Variants in PLEC observed in about 807,000 individuals in gnomAD.
PLEC encodes the protein plectin, also known as hemidesmosomal protein 1.
PLEC carries 216 observed loss-of-function variants against 392.8 expected under a neutral mutation model. That is an observed-to-expected ratio of 0.55 (90% CI 0.49 to 0.62). PLEC has a LOEUF of 0.62. PLEC is among the 20% of genes least tolerant of loss of function. The pLI is 0.00. For missense variants in PLEC, 6,863 were observed against 6,563.4 expected, an observed-to-expected ratio of 1.05 and a Z score of -1.58; for synonymous variants, 3,621 against 2,980.6, an observed-to-expected ratio of 1.21 and a Z score of -7.00.
exon 1 of PLEC, chr8:143,950,314 C>T (rs782494040): frequency 6.4e-5 from 101 of 1,572,354 alleles, no homozygotes; most frequent in Non-Finnish European, 7.9e-5. Context: ...CCGTCGGCAG[C>T]GGCCCCCGCT....
chr8:143,948,310 G>A (rs950882675), intron 1 of PLEC, among the ~76,000 whole-genome samples: 25 of 152,364 alleles, frequency 1.6e-4, no homozygotes, highest in African/African-American at 5.5e-4. Flanking sequence ...GCCAACCCAC[G>A]GAGCGGCTGT....
rs1554706761 is a variant in PLEC, at chr8:143,927,158, G to A, written c.3841-77C>T. On this transcript the variant is annotated intron_variant, in intron 28 of 31. Coordinates refer to ENST00000345136, the MANE Select transcript of PLEC (RefSeq NM_201384.3). ...GCCCAGCCCCTAAACCCTCACATGG[G>A]CTTTCCCTGGCATGGCCCAGGCTCA... The A allele has an allele frequency of 3.2e-6, 5 of 1,562,294 alleles. No individual in the cohort carries two copies. In the East Asian group the frequency reaches 1.1e-4, roughly 35 times the overall value.
At chr8:143,963,416 C>T (rs528866242) in intron 1 of PLEC, among the ~76,000 whole-genome samples, 5 of 152,236 alleles carry the variant, frequency 3.3e-5, no homozygotes, top group East Asian at 3.8e-4. Flanking sequence ...TGAAACCCCA[C>T]GGAATTTGCC....
upstream of PLEC, chr8:143,943,721 G>A: frequency 6.6e-7 from 1 of 1,504,718 alleles, no homozygotes; most frequent in Non-Finnish European, 9.1e-7. Context: ...GAAGGGGCGG[G>A]AGGCAGGCGG....
chr8:143,933,942 C>CGGGGCA, intron 12 of PLEC, 56 bp downstream of exon 12: 1 of 1,468,238 alleles, frequency 6.8e-7, no homozygotes, highest in Non-Finnish European at 9.3e-7. Flanking sequence ...GGCTGCAGGG[C>CGGGGCA]GGGGCAGGCT....
chr8:143,937,238 C>T lies in PLEC; in HGVS notation c.269G>A (p.Arg90Gln), dbSNP rs782376931. 2.0e-5 allele frequency: 33 copies of T among 1,612,046 alleles called. No homozygotes were observed. Among genetic ancestry groups the T allele is most frequent in the East Asian group, 8.9e-5 (4 of 44,880 alleles). Residue 90 changes from arginine (R) to glutamine (Q), a missense_variant, in exon 4 of 32, where the codon CGG becomes CAG. By Grantham distance (43) the Arg-to-Gln change is conservative. Coordinates refer to ENST00000345136, the MANE Select transcript of PLEC (RefSeq NM_201384.3). ...LEVLSGDSLP[R>Q]EKGRMRFHKL... ...GTGGAAACGCATCCTCCCCTTCTCCCGGGGCTGTGGGGAGGCACAGTCAGC... is the reference window on the plus strand; with the variant it reads ...GTGGAAACGCATCCTCCCCTTCTCCTGGGGCTGTGGGGAGGCACAGTCAGC...
upstream of PLEC, chr8:143,953,856 G>A: frequency 6.3e-7 from 1 of 1,576,522 alleles, no homozygotes; most frequent in South Asian, 1.1e-5. Context: ...CGCCGCAGCC[G>A]GGGGAGGAGC....
chr8:143,950,865 G>A, exon 1 of PLEC: 2 of 1,413,832 alleles, frequency 1.4e-6, no homozygotes, highest in East Asian at 2.5e-5. Context: ...CTGAGCGTGA[G>A]GGCGCGGGCT....
intron 1 of PLEC, among the ~76,000 whole-genome samples, chr8:143,938,924 A>C (rs1464649727): frequency 1.3e-5 from 2 of 150,988 alleles, no homozygotes; most frequent in Non-Finnish European, 3.0e-5. Context: ...CCCACCCCGG[A>C]CTCTTCCCCC....
intron 1 of PLEC, among the ~76,000 whole-genome samples, chr8:143,961,922 T>C (rs1357627719): frequency 6.6e-6 from 1 of 152,152 alleles, no homozygotes; most frequent in Non-Finnish European, 1.5e-5. Flanking sequence ...TCCTCCCACC[T>C]CAGGCTCCCA....
Position 143,918,347 on chromosome 8 carries a change from T to G in PLEC, c.11474A>C (p.Gln3825Pro). The change falls in exon 32 of 32, where the codon CAG (glutamine) becomes CCG (proline). Residue 3825 changes from glutamine to proline, a missense_variant. By Grantham distance (76) the Gln-to-Pro change is moderately conservative (BLOSUM62 -1). Transcript: ENST00000345136. The stretch of plus-strand genomic sequence containing the variant: ...CGTGTCCTTGTTGAGGTAGCCACGC[T>G]GGTAAGCCACCTCCAGGGGAAGGTG... ...GFHLPLEVAY[Q>P]RGYLNKDTHD... 1.9e-6 allele frequency: 3 copies of G among 1,579,164 alleles called. No homozygotes were observed. Among genetic ancestry groups the G allele is most frequent in the Non-Finnish European group, 2.6e-6 (3 of 1,169,436 alleles).
chr8:143,922,948 A>G lies in PLEC; in HGVS notation c.6981T>C (p.Ala2327=), dbSNP rs1554690988. The G allele has an allele frequency of 6.2e-7, 1 of 1,608,660 alleles. No homozygotes were observed. Among genetic ancestry groups the G allele is most frequent in the Non-Finnish European group, 8.5e-7 (1 of 1,178,100 alleles). The change falls in exon 31 of 32, where the codon GCT becomes GCC. Residue 2327 remains alanine, a synonymous_variant. Transcript: ENST00000345136. ...TCTGCTGCTGCAGCAGTTCCGCCTC[A>G]GCCTTGAGTCGCGTGGCCTCCTGCA... ...QAVQEATRLK[A]EAELLQQQKE...
rs189256993 is a variant in PLEC at position 143,935,910 on chromosome 8, G to A, written c.540C>T (p.Cys180=). The stretch of plus-strand genomic sequence containing the variant: ...CTCTCCAGCTGGAGGTGAAGTTGTC[G>A]CATCGCAGGCCCTGGTACCCCTCCA... ...RMVEGYQGLR[C]DNFTSSWRDG... The change falls in exon 6 of 32, where the codon TGC becomes TGT. Residue 180 remains cysteine, a synonymous_variant. Transcript: ENST00000345136. 1.5e-4 allele frequency: 241 copies of A among 1,612,954 alleles called. No homozygotes were observed. The highest frequency in any genetic ancestry group is 1.3e-3 in the African/African-American group (99 of 75,042).
rs782161008 is a variant in PLEC at position 143,921,755 on chromosome 8, C to T, written c.8066G>A (p.Arg2689His). 16 of 1,612,268 alleles carry T rather than the reference C, an allele frequency of 9.9e-6. 1 individual carries two copies. The highest frequency in any genetic ancestry group is 3.3e-4 in the Middle Eastern group (2 of 6,084). Residue 2689 changes from arginine to histidine, a missense_variant, in exon 32 of 32, where the codon CGC (arginine) becomes CAC (histidine). By Grantham distance (29) the Arg-to-His change is conservative (BLOSUM62 0). Transcript: ENST00000345136. Reference protein sequence around the residue: ...VDELARREDVRHYLQGRSSIA... With the variant: ...VDELARREDVHHYLQGRSSIA... Reference sequence around the variant, plus strand: ...ACTGCTGCGGCCCTGCAGGTAGTGGCGCACGTCTTCCCGCCGTGCGAGCTC... The same window carrying T: ...ACTGCTGCGGCCCTGCAGGTAGTGGTGCACGTCTTCCCGCCGTGCGAGCTC...
chr8:143,945,684 G>A (rs1831360489), intron 1 of PLEC, among the ~76,000 whole-genome samples: 1 of 152,204 alleles, frequency 6.6e-6, no homozygotes, highest in African/African-American at 2.4e-5. Flanking sequence ...TGCCATCTGA[G>A]CCCAGGTGGC....
Position 143,928,552 on chromosome 8 carries a change from C to T in PLEC, c.3260+551G>A, listed in dbSNP as rs1157270366. On this transcript the variant is annotated intron_variant, in intron 25 of 31. Transcript: ENST00000345136. The stretch of plus-strand genomic sequence containing the variant: ...TGGTTTGCAACACAGGAAGAGGTGG[C>T]GGCCCTATCACTGTGCTGGTTCTGT... Among the ~76,000 whole-genome samples, 10 of 86,704 alleles carry T rather than the reference C, an allele frequency of 1.2e-4. 3 individuals carry two copies. Among genetic ancestry groups the T allele is most frequent in the Non-Finnish European group, 2.0e-4 (9 of 44,442 alleles). The allele number at this position is 86,704 out of a possible 152,430, so 56.9% of individuals were successfully genotyped here.
At chr8:143,943,771 G>C (rs782071450), upstream of PLEC, 2 of 1,610,416 alleles carry the variant, frequency 1.2e-6, no homozygotes, top group South Asian at 2.2e-5. Context: ...GCCACCAGCG[G>C]GGCTTACCTT....
upstream of PLEC, chr8:143,942,592 G>A (rs1205644799): frequency 4.1e-6 from 6 of 1,455,730 alleles, no homozygotes; most frequent in Admixed American, 2.4e-5. Context: ...TCTGCTTCCA[G>A]CCCACGCTGC....
chr8:143,925,322 T>C lies in PLEC; in HGVS notation c.4607A>G (p.Gln1536Arg), dbSNP rs1212486861. The change falls in exon 31 of 32, where the codon CAG (glutamine) becomes CGG (arginine). Residue 1536 changes from glutamine to arginine, a missense_variant. Transcript: ENST00000345136. The part of the protein sequence containing the change: ...EAAREKQRAL[Q>R]ALEELRLQAE... ...CTGCAGCCGCAGCTCCTCCAGGGCC[T>C]GCAGGGCCCGCTGCTTCTCGCGCGC... The C allele has an allele frequency of 1.3e-6, 2 of 1,563,508 alleles. No homozygotes were observed. Among genetic ancestry groups the C allele is most frequent in the Non-Finnish European group, 1.7e-6 (2 of 1,162,928 alleles).
Sources: gnomAD v4.1 joint callset for allele counts (sites outside exome capture counted in the v4.1 genomes callset) on GRCh38, gnomAD v4.1.1 for gene constraint, MANE v1.5 for transcripts, NCBI Gene and HGNC (gene_info 2026-07-23, HGNC 2026-07-21) for gene names.